OMA1: variants seen among roughly 807,000 people sequenced by gnomAD.
OMA1 encodes OMA1 zinc metallopeptidase, also known as metalloendopeptidase OMA1, mitochondrial.
In OMA1, 38 loss-of-function variants were observed where a neutral mutation model predicts 30.9. That is an observed-to-expected ratio of 1.23 (90% CI 0.95 to 1.61). The LOEUF (loss-of-function observed/expected upper bound fraction) is 1.61, where lower values mean the gene tolerates loss of function less well. OMA1 is among the 40% of genes most tolerant of loss of function. The pLI is 0.00. For synonymous variants in OMA1, 173 were observed against 121.9 expected (o/e 1.42, Z -2.76); for missense variants, 461 against 349.2 (o/e 1.32, Z -2.55).
chr1:58,490,955 G>A lies in OMA1; in HGVS notation c.1366-9781C>T, dbSNP rs562927031. On this transcript the variant is annotated intron_variant, in intron 8 of 8. Coordinates refer to ENST00000371226, the MANE Select transcript of OMA1 (RefSeq NM_145243.5). ...CGAGTAGCTGGGACTACAGGCACCC[G>A]CTACCAAGCCCGGCTAAATTTTTTT... is the stretch of plus-strand genomic sequence containing the variant. Among the ~76,000 whole-genome samples, 144 of 151,494 alleles carry A rather than the reference G, an allele frequency of 9.5e-4. 4 individuals carry two copies. Among genetic ancestry groups the A allele is most frequent in the Non-Finnish European group, 1.8e-3 (125 of 67,870 alleles).
chr1:58,527,382 GA>G, intron 6 of OMA1, 47 bp from the exon 7 acceptor site: 2 of 835,144 alleles, frequency 2.4e-6, no homozygotes, highest in South Asian at 1.3e-5. Flanking sequence ...TTTATTTCAC[GA>G]AAAAAGGAGT....
intron 8 of OMA1, among the ~76,000 whole-genome samples, chr1:58,489,564 T>G (rs1488144592): frequency 6.6e-6 from 1 of 152,218 alleles, no homozygotes; most frequent in Non-Finnish European, 1.5e-5. Flanking sequence ...CAGACTTAAA[T>G]GTCCCTGTCT....
intron 1 of OMA1, among the ~76,000 whole-genome samples, chr1:58,540,550 T>C (rs1288526178): frequency 1.3e-5 from 2 of 151,144 alleles, no homozygotes; most frequent in Non-Finnish European, 2.9e-5. Flanking sequence ...AATATATTTC[T>C]TTAAAAGACC....
rs1020200351 is a variant in OMA1 at position 58,491,084 on chromosome 1, G to C, written c.1366-9910C>G. 8.5e-5 allele frequency among the ~76,000 whole-genome samples: 13 copies of C among 152,104 alleles called. No individual in the cohort carries two copies. The South Asian group carries it at 2.7e-3, about 32-fold the overall frequency. ...AGCCTCCCAAAGTGCTGAGATTACA[G>C]GCGTGAACCACTGCACCCGGCCCTT... On this transcript the variant is annotated intron_variant, in intron 8 of 8. Coordinates refer to ENST00000371226, the MANE Select transcript of OMA1 (RefSeq NM_145243.5).
chr1:58,538,424 T>C (rs961071453), intron 2 of OMA1, among the ~76,000 whole-genome samples: 1 of 152,222 alleles, frequency 6.6e-6, no homozygotes, highest in Non-Finnish European at 1.5e-5. Flanking sequence ...GTAAGTACTC[T>C]TCTTATACAT....
chr1:58,530,694 G>A lies in OMA1; in HGVS notation c.1047C>T (p.Phe349=). The change falls in exon 6 of 9, where the codon TTC becomes TTT. Residue 349 remains phenylalanine (F), a synonymous_variant. Coordinates refer to ENST00000371226, the MANE Select transcript of OMA1 (RefSeq NM_145243.5). ...TCATTGTGAGGAAAATCATACCTAG[G>A]AAATCCAACAAATGAACCATGCCAG... ...EKAGMVHLLD[F]LGMIFLTMIW... The A allele has an allele frequency of 1.1e-6, 1 of 872,604 alleles. No homozygotes were observed. Among genetic ancestry groups the A allele is most frequent in the Non-Finnish European group, 2.0e-6 (1 of 501,548 alleles). The allele number at this position is 872,604 out of a possible 1,614,324, so 54.1% of individuals were successfully genotyped here.
intron 6 of OMA1, among the ~76,000 whole-genome samples, chr1:58,529,492 A>G (rs1472044234): frequency 1.3e-5 from 2 of 152,250 alleles, no homozygotes; most frequent in African/African-American, 4.8e-5. Flanking sequence ...ATACATAAGC[A>G]CTAAAAACAA....
At chr1:58,488,924 T>G (rs953795324) in intron 8 of OMA1, among the ~76,000 whole-genome samples, 5 of 152,256 alleles carry the variant, frequency 3.3e-5, no homozygotes, top group African/African-American at 1.2e-4. Flanking sequence ...ATGATCAATA[T>G]TTTCATGAAA....
At chr1:58,489,602 C>G (rs1645640845) in intron 8 of OMA1, among the ~76,000 whole-genome samples, 1 of 152,212 alleles carries the variant, frequency 6.6e-6, no homozygotes, top group Non-Finnish European at 1.5e-5. Flanking sequence ...TAGTGGTTCT[C>G]CCAGCATGCA....
intron 8 of OMA1, among the ~76,000 whole-genome samples, chr1:58,505,374 C>T (rs1361685051): frequency 6.6e-6 from 1 of 152,114 alleles, no homozygotes; most frequent in African/African-American, 2.4e-5. Flanking sequence ...TAGAAGAGAG[C>T]GTGTAACGTG....
intron 8 of OMA1, among the ~76,000 whole-genome samples, chr1:58,502,745 A>G (rs1438714208): frequency 6.6e-6 from 1 of 152,242 alleles, no homozygotes; most frequent in Non-Finnish European, 1.5e-5. Context: ...ATGACTGTAT[A>G]TTCTAATTAA....
chr1:58,528,072 G>T (rs1160254637), intron 6 of OMA1, among the ~76,000 whole-genome samples: 1 of 152,196 alleles, frequency 6.6e-6, no homozygotes, highest in Non-Finnish European at 1.5e-5. Context: ...GTCTGTGATG[G>T]CCTGAAATAA....
intron 7 of OMA1, among the ~76,000 whole-genome samples, chr1:58,511,864 T>C (rs1355650361): frequency 6.6e-6 from 1 of 152,122 alleles, no homozygotes. Flanking sequence ...GTCTTGGCAA[T>C]GATTTTGTGA....
At chr1:58,526,172 G>C (rs1456064247) in intron 7 of OMA1, among the ~76,000 whole-genome samples, 2 of 152,032 alleles carry the variant, frequency 1.3e-5, no homozygotes, top group Non-Finnish European at 2.9e-5. Context: ...ATGAAAATTA[G>C]GAAATTCTTA....
At chr1:58,506,877 A>T (rs1311795638) in intron 7 of OMA1, among the ~76,000 whole-genome samples, 1 of 152,150 alleles carries the variant, frequency 6.6e-6, no homozygotes, top group Non-Finnish European at 1.5e-5. Context: ...AATACCTTAT[A>T]AAAGTACAAT....
At chr1:58,499,325 A>G (rs1288775189) in intron 8 of OMA1, among the ~76,000 whole-genome samples, 1 of 150,962 alleles carries the variant, frequency 6.6e-6, no homozygotes, top group Non-Finnish European at 1.5e-5. Flanking sequence ...AAAAAAAAAA[A>G]AAAAAAAAAA....
intron 8 of OMA1, among the ~76,000 whole-genome samples, chr1:58,499,326 A>AG (rs1409095491): frequency 6.6e-6 from 1 of 151,072 alleles, no homozygotes; most frequent in East Asian, 1.9e-4. Flanking sequence ...AAAAAAAAAA[A>AG]AAAAAAAAAA....
chr1:58,518,266 GAGAGA>G (rs373464834), intron 7 of OMA1, among the ~76,000 whole-genome samples: 3 of 13,670 alleles, frequency 2.2e-4, no homozygotes, highest in African/African-American at 7.8e-4. Flanking sequence ...GAGGGGAGAG[GAGAGA>G]GGAGAGGAGA....
Position 58,534,847 on chromosome 1 carries a change from G to T in OMA1, c.730-516C>A, listed in dbSNP as rs531479774. ...GCTACATGGGAGGCTGAAGTGGGAG[G>T]ATCGCTTGAGTCTAGGAGGTGGAGG... On this transcript the variant is annotated intron_variant, in intron 3 of 8. Coordinates refer to ENST00000371226, the MANE Select transcript of OMA1 (RefSeq NM_145243.5). Among the ~76,000 whole-genome samples, 232 of 152,246 alleles carry T rather than the reference G, an allele frequency of 1.5e-3. 2 individuals are homozygous for T. Among genetic ancestry groups the T allele is most frequent in the African/African-American group, 5.5e-3 (230 of 41,536 alleles).
Sources: gnomAD v4.1 joint callset for allele counts (sites outside exome capture counted in the v4.1 genomes callset) on GRCh38, gnomAD v4.1.1 for gene constraint, MANE v1.5 for transcripts, NCBI Gene and HGNC (gene_info 2026-07-23, HGNC 2026-07-21) for gene names.